The following CLEC16A variants were observed in gnomAD, a reference collection of about 807,000 sequenced individuals.
CLEC16A encodes the protein protein CLEC16A.
A neutral mutation model predicts 109.5 loss-of-function variants in CLEC16A; 51 were observed. The observed-to-expected ratio is 0.47, with a 90% CI of 0.37 to 0.59. The LOEUF (loss-of-function observed/expected upper bound fraction) is 0.59. Among genes scored for constraint, CLEC16A ranks in the 20% least tolerant of loss-of-function variants. CLEC16A has a pLI of 0.00. For synonymous variants in CLEC16A, 673 were observed against 564.2 expected, an observed-to-expected ratio of 1.19 and a Z score of -2.73; for missense variants, 1,339 against 1,394.0, an observed-to-expected ratio of 0.96 and a Z score of 0.63.
At chr16:11,147,540 C>A (rs2054116821) in intron 22 of CLEC16A, among the ~76,000 whole-genome samples, 1 of 152,120 alleles carries the variant, frequency 6.6e-6, no homozygotes, top group African/African-American at 2.4e-5. Context: ...GTTTGTAATC[C>A]CCTGCTGCAA....
intron 19 of CLEC16A, among the ~76,000 whole-genome samples, chr16:11,088,559 G>T (rs1262920670): frequency 1.3e-5 from 2 of 152,188 alleles, no homozygotes; most frequent in Non-Finnish European, 2.9e-5. Flanking sequence ...GGTGCTCTCA[G>T]GGAGTGGGAT....
chr16:11,067,809 G>T (rs1462455960), intron 19 of CLEC16A, among the ~76,000 whole-genome samples: 18 of 152,170 alleles, frequency 1.2e-4, no homozygotes, highest in Non-Finnish European at 2.6e-4. Context: ...GGACAGTCTG[G>T]TTTGCCCCAG....
chr16:11,009,149 C>G (rs1167267026), intron 11 of CLEC16A, among the ~76,000 whole-genome samples: 1 of 152,176 alleles, frequency 6.6e-6, no homozygotes, highest in Non-Finnish European at 1.5e-5. Flanking sequence ...ATGGGTTTGA[C>G]TGCTCTAGGT....
intron 22 of CLEC16A, among the ~76,000 whole-genome samples, chr16:11,157,627 A>G (rs2054582493): frequency 6.6e-6 from 1 of 152,126 alleles, no homozygotes; most frequent in African/African-American, 2.4e-5. Flanking sequence ...AACCCTGCCC[A>G]CATGTCAGTG....
intron 8 of CLEC16A, among the ~76,000 whole-genome samples, chr16:10,978,079 A>G (rs2043120305): frequency 6.6e-6 from 1 of 152,234 alleles, no homozygotes; most frequent in East Asian, 1.9e-4. Context: ...AGACAGCGAC[A>G]GAACTTGCGC....
At chr16:11,028,426 G>A (rs565705290) in intron 13 of CLEC16A, among the ~76,000 whole-genome samples, 14 of 151,786 alleles carry the variant, frequency 9.2e-5, no homozygotes, top group Admixed American at 2.6e-4. Flanking sequence ...TGCAGCAGTC[G>A]ACCAAGCCCA....
chr16:11,021,317 C>G (rs1180234409), intron 12 of CLEC16A, among the ~76,000 whole-genome samples: 1 of 152,162 alleles, frequency 6.6e-6, no homozygotes, highest in Non-Finnish European at 1.5e-5. Flanking sequence ...CAGTGGAGTA[C>G]AAAGACCTTT....
intron 19 of CLEC16A, among the ~76,000 whole-genome samples, chr16:11,086,208 C>T (rs1004057726): frequency 6.6e-6 from 1 of 152,154 alleles, no homozygotes; most frequent in African/African-American, 2.4e-5. Flanking sequence ...TCAAGGAGGG[C>T]CCTGGGCTCA....
At chr16:11,131,666 C>G (rs1303712018) in intron 22 of CLEC16A, among the ~76,000 whole-genome samples, 1 of 152,176 alleles carries the variant, frequency 6.6e-6, no homozygotes, top group Non-Finnish European at 1.5e-5. Flanking sequence ...CAACCGCTCC[C>G]CACCAGCCTG....
intron 3 of CLEC16A, among the ~76,000 whole-genome samples, chr16:10,963,249 G>A (rs1208730766): frequency 1.3e-5 from 2 of 152,122 alleles, no homozygotes; most frequent in Non-Finnish European, 2.9e-5. Flanking sequence ...AGTCCTATTG[G>A]ATGAGAACCC....
chr16:11,127,334 T>C (rs2052896845), intron 22 of CLEC16A, among the ~76,000 whole-genome samples: 1 of 152,228 alleles, frequency 6.6e-6, no homozygotes. Context: ...AAAATCTTTT[T>C]TGCTGTTTCG....
chr16:11,085,174 G>A (rs994057319), intron 19 of CLEC16A, among the ~76,000 whole-genome samples: 1 of 152,248 alleles, frequency 6.6e-6, no homozygotes, highest in Non-Finnish European at 1.5e-5. Flanking sequence ...CTCATTTACA[G>A]ACGAGGCCAT....
At chr16:11,165,390 G>C (rs562822615) in intron 22 of CLEC16A, among the ~76,000 whole-genome samples, 1 of 152,212 alleles carries the variant, frequency 6.6e-6, no homozygotes, top group South Asian at 2.1e-4. Flanking sequence ...TGCTCAAGAG[G>C]CTGAGGCAGG....
chr16:10,980,941 C>G (rs950893733), intron 9 of CLEC16A, among the ~76,000 whole-genome samples: 11 of 152,176 alleles, frequency 7.2e-5, no homozygotes, highest in Non-Finnish European at 1.0e-4. Flanking sequence ...TTATGGATGA[C>G]GTTAATTTGG....
In CLEC16A at chr16:11,174,319, C is replaced by T. The variant is rs1441665411; in HGVS notation, c.2807-4016C>T. On this transcript the variant is annotated intron_variant, in intron 23 of 23. Coordinates refer to ENST00000409790, the MANE Select transcript of CLEC16A (RefSeq NM_015226.3). This position sits in a 1 kb window ranked among gnomAD's most constrained non-coding sequence, Gnocchi z 4.7. ...AGCCGCTCGGGCCGCGACGTCCACT[C>T]GCCACGCTGCATTTCCACAGTCGGC... is the stretch of plus-strand genomic sequence containing the variant. 5 of 431,162 alleles carry T rather than the reference C, an allele frequency of 1.2e-5. No homozygotes were observed. The highest frequency in any genetic ancestry group is 2.4e-5 in the Admixed American group (1 of 41,526). The allele number at this position is 431,162 out of a possible 1,614,324, so 26.7% of individuals were successfully genotyped here. A position where few individuals can be genotyped will look rare whatever the true frequency, so the allele number is the denominator to read the frequency against.
intron 11 of CLEC16A, among the ~76,000 whole-genome samples, chr16:11,009,448 A>G (rs1297658198): frequency 6.6e-6 from 1 of 152,218 alleles, no homozygotes; most frequent in African/African-American, 2.4e-5. Flanking sequence ...TAGAATTGAT[A>G]GAGGCTGCAG....
At chr16:11,110,022 A>G (rs1205722421) in intron 19 of CLEC16A, among the ~76,000 whole-genome samples, 1 of 152,202 alleles carries the variant, frequency 6.6e-6, no homozygotes, top group East Asian at 1.9e-4. Context: ...TTTATTGTGA[A>G]GGGATTATTA....
chr16:10,987,486 C>A (rs1258401827), intron 10 of CLEC16A, among the ~76,000 whole-genome samples: 3 of 152,170 alleles, frequency 2.0e-5, no homozygotes, highest in Non-Finnish European at 4.4e-5. Flanking sequence ...TTGTGAGAGA[C>A]ACACAAACTG....
At chr16:11,125,904 T>TGGGGGGGGGGGGGGGGG in intron 21 of CLEC16A, 75 bp from the exon 22 acceptor site, 1 of 182,596 alleles carries the variant, frequency 5.5e-6, no homozygotes, top group Non-Finnish European at 1.1e-5. Context: ...CACTACGATG[T>TGGGGGGGGGGGGGGGGG]CCCCCCCCCC....
Sources: gnomAD v4.1 joint callset for allele counts (sites outside exome capture counted in the v4.1 genomes callset) on GRCh38, gnomAD v4.1.1 for gene constraint, Gnocchi (gnomAD v3.1) non-coding constraint, MANE v1.5 for transcripts, NCBI Gene and HGNC (gene_info 2026-07-23, HGNC 2026-07-21) for gene names.